Variants in THEMIS observed in about 807,000 individuals in gnomAD.
THEMIS encodes thymocyte selection associated, also known as protein THEMIS.
In THEMIS, 37 loss-of-function variants were observed where a neutral mutation model predicts 52.6. The observed-to-expected ratio is 0.70, with a 90% CI of 0.54 to 0.93. The LOEUF is 0.93. Ranked by LOEUF, THEMIS falls within the 40% of genes least tolerant of loss-of-function variation. THEMIS has a pLI of 0.00. For synonymous variants in THEMIS, 292 were observed against 272.7 expected (o/e 1.07, Z -0.70); for missense variants, 808 against 763.1 (o/e 1.06, Z -0.69).
At chr6:127,719,846 T>G in intron 4 of THEMIS, 23 bp from the exon 5 acceptor site, 1 of 1,608,020 alleles carries the variant, frequency 6.2e-7, no homozygotes, top group Non-Finnish European at 8.5e-7. Flanking sequence ...AGGTCACAAG[T>G]AAATTATCAG....
chr6:127,898,404 A>G (rs1312253356), intron 1 of THEMIS, among the ~76,000 whole-genome samples: 1 of 151,880 alleles, frequency 6.6e-6, no homozygotes, highest in Non-Finnish European at 1.5e-5. Context: ...GATTTCTTAT[A>G]GAATCAATTG....
rs1489566032 is a variant in THEMIS, at chr6:127,813,880, TCTTTGA to T, written c.755_760del (p.Val252_Lys253del). ...GTTAGCATCGTAAGAATCAGTGATG[TCTTTGA>T]CTTCGACATCTAGACTGGGGAGGAT... On this transcript the variant is annotated inframe_deletion, in exon 4 of 6. Coordinates refer to ENST00000368248, the MANE Select transcript of THEMIS (RefSeq NM_001010923.3). The T allele has an allele frequency of 6.2e-7, 1 of 1,603,686 alleles. No homozygotes were observed.
intron 1 of THEMIS, among the ~76,000 whole-genome samples, chr6:127,877,567 G>T (rs2114411330): frequency 1.3e-5 from 2 of 152,316 alleles, no homozygotes; most frequent in South Asian, 4.1e-4. Flanking sequence ...AGGAGAGGAA[G>T]AGATGGGGAA....
At chr6:127,741,202 G>A (rs76598708) in intron 4 of THEMIS, among the ~76,000 whole-genome samples, 2,635 of 152,236 alleles carry the variant, frequency 0.017, 82 homozygotes, top group African/African-American at 0.06. Flanking sequence ...AAACCTATGC[G>A]TAAGCTTACC....
At chr6:127,757,208 C>A (rs1425519904) in intron 4 of THEMIS, among the ~76,000 whole-genome samples, 4 of 152,042 alleles carry the variant, frequency 2.6e-5, no homozygotes, top group African/African-American at 9.7e-5. Flanking sequence ...TATTAGTCAC[C>A]ATCTACAGCG....
At chr6:127,832,108 G>A (rs149016491) in intron 2 of THEMIS, among the ~76,000 whole-genome samples, 3 of 152,162 alleles carry the variant, frequency 2.0e-5, no homozygotes, top group Admixed American at 6.5e-5. Context: ...TAGCTATATC[G>A]ATGACATAAG....
chr6:127,893,728 T>C (rs1015178718), intron 1 of THEMIS, among the ~76,000 whole-genome samples: 8 of 152,090 alleles, frequency 5.3e-5, no homozygotes, highest in South Asian at 2.1e-4. Context: ...CTCTTTCAAA[T>C]TTCCTTAAAC....
chr6:127,833,586 T>A (rs772337642), intron 2 of THEMIS, among the ~76,000 whole-genome samples: 10 of 152,146 alleles, frequency 6.6e-5, no homozygotes, highest in Non-Finnish European at 1.5e-4. Context: ...GAGAATAACA[T>A]GTTTATGGGT....
At chr6:127,875,196 T>A (rs1003653719) in intron 1 of THEMIS, among the ~76,000 whole-genome samples, 1 of 152,364 alleles carries the variant, frequency 6.6e-6, no homozygotes, top group South Asian at 2.1e-4. Context: ...GAGTAAAAGA[T>A]ACATGGGATC....
chr6:127,887,125 T>C (rs762874123), intron 1 of THEMIS, among the ~76,000 whole-genome samples: 6 of 151,934 alleles, frequency 3.9e-5, no homozygotes, highest in Non-Finnish European at 5.9e-5. Context: ...ACAAATTGTA[T>C]ATCTAATATA....
intron 4 of THEMIS, among the ~76,000 whole-genome samples, chr6:127,811,022 T>C (rs1236846899): frequency 2.0e-5 from 3 of 152,056 alleles, no homozygotes; most frequent in African/African-American, 4.8e-5. Flanking sequence ...CATGTGCTAA[T>C]AAATTCATTT....
intron 1 of THEMIS, among the ~76,000 whole-genome samples, chr6:127,908,111 T>A (rs1176632232): frequency 1.3e-5 from 2 of 152,144 alleles, no homozygotes; most frequent in Non-Finnish European, 2.9e-5. Flanking sequence ...TTAGTTTCCT[T>A]TTGAATAAAA....
intron 3 of THEMIS, among the ~76,000 whole-genome samples, chr6:127,825,280 CT>C (rs1291288129): frequency 2.0e-5 from 3 of 152,204 alleles, no homozygotes; most frequent in Admixed American, 6.5e-5. Context: ...TATGAAGCAC[CT>C]AAATATTCAG....
intron 1 of THEMIS, among the ~76,000 whole-genome samples, chr6:127,881,866 A>G (rs1159670091): frequency 6.6e-6 from 1 of 151,778 alleles, no homozygotes; most frequent in Non-Finnish European, 1.5e-5. Context: ...TAAACTTCAC[A>G]TTTTTATCTT....
In THEMIS at chr6:127,708,820, T is replaced by C. The variant is rs1288848808; in HGVS notation, c.*1165A>G. The C allele has an allele frequency of 6.6e-6, 1 of 152,038 alleles. No homozygotes were observed. The highest frequency in any genetic ancestry group is 1.5e-5 in the Non-Finnish European group (1 of 67,944). The allele number at this position is 152,038 out of a possible 1,614,324, so 9.4% of individuals were successfully genotyped here. Reference sequence around the variant, plus strand: ...TAATTTTTTTTGTTCTAAAGTTGACTCACAATTTATTGTCTTCAGAAACAC... The same window carrying C: ...TAATTTTTTTTGTTCTAAAGTTGACCCACAATTTATTGTCTTCAGAAACAC... On this transcript the variant is annotated 3_prime_UTR_variant, in exon 6 of 6. Coordinates refer to ENST00000368248, the MANE Select transcript of THEMIS (RefSeq NM_001010923.3).
intron 4 of THEMIS, among the ~76,000 whole-genome samples, chr6:127,800,011 G>A (rs1208260676): frequency 6.6e-6 from 1 of 152,148 alleles, no homozygotes; most frequent in Non-Finnish European, 1.5e-5. Flanking sequence ...GTTCTTCATA[G>A]TACTGAGTCC....
intron 1 of THEMIS, among the ~76,000 whole-genome samples, chr6:127,915,611 A>G (rs112972344): frequency 0.015 from 2,305 of 150,870 alleles, 65 homozygotes; most frequent in African/African-American, 0.054. Flanking sequence ...AGAGAGAGAG[A>G]GAGAGAGAAC....
chr6:127,698,597 A>G, the THEMIS span, among the ~76,000 whole-genome samples: 1 of 152,108 alleles, frequency 6.6e-6, no homozygotes, highest in South Asian at 2.1e-4. Flanking sequence ...TCAATTGACT[A>G]TGAACAAGCA....
chr6:127,768,822 T>C (rs1463032679), intron 4 of THEMIS, among the ~76,000 whole-genome samples: 1 of 152,220 alleles, frequency 6.6e-6, no homozygotes, highest in African/African-American at 2.4e-5. Flanking sequence ...TATCACCTTT[T>C]AAATATTGGC....
Sources: allele counts gnomAD v4.1 joint callset (sites outside exome capture counted in the v4.1 genomes callset), GRCh38; gene constraint gnomAD v4.1.1; transcripts MANE v1.5; gene names NCBI Gene and HGNC (gene_info 2026-07-23, HGNC 2026-07-21).